Variants in SGPL1 observed in about 807,000 individuals in gnomAD.
SGPL1 encodes SP-lyase 1.
SGPL1 carries 37 observed loss-of-function variants against 68.9 expected under a neutral mutation model. The ratio of observed to expected loss-of-function variants is 0.54; its 90% CI spans 0.41 to 0.71. The LOEUF (loss-of-function observed/expected upper bound fraction) is 0.71, where lower values mean the gene tolerates loss of function less well. Ranked by LOEUF, SGPL1 falls within the 30% of genes least tolerant of loss-of-function variation. SGPL1 has a pLI of 0.00. For missense variants in SGPL1, 551 were observed against 704.6 expected (o/e 0.78, Z 2.47); for synonymous variants, 236 against 248.5 (o/e 0.95, Z 0.47).
chr10:70,857,767 G>A (rs1242030384), intron 6 of SGPL1, 77 bp downstream of exon 6: 28 of 928,100 alleles, frequency 3.0e-5, no homozygotes, highest in South Asian at 2.8e-4. Context: ...CCTTACTTTT[G>A]TAATTAGAAA....
intron 2 of SGPL1, among the ~76,000 whole-genome samples, chr10:70,820,965 C>T (rs576208696): frequency 1.6e-4 from 25 of 152,258 alleles, no homozygotes; most frequent in African/African-American, 5.3e-4. Flanking sequence ...CTTGTGTGGA[C>T]AGTATGCTGT....
At chr10:70,828,272 A>T (rs1290705829) in intron 2 of SGPL1, among the ~76,000 whole-genome samples, 2 of 152,226 alleles carry the variant, frequency 1.3e-5, no homozygotes, top group African/African-American at 4.8e-5. Context: ...CATGGAGAAG[A>T]GCACTGAGAA....
At chr10:70,855,522 A>G (rs1025962393) in intron 5 of SGPL1, among the ~76,000 whole-genome samples, 7 of 152,220 alleles carry the variant, frequency 4.6e-5, no homozygotes, top group Non-Finnish European at 7.3e-5. Context: ...GTATCTCTAC[A>G]ATGGGGATAG....
chr10:70,820,007 G>A lies in SGPL1; in HGVS notation c.27+3127G>A, dbSNP rs541811044. Among the ~76,000 whole-genome samples the A allele has an allele frequency of 4.6e-5, 7 of 152,178 alleles. No homozygotes were observed. In the East Asian group the frequency reaches 1.2e-3, roughly 25 times the overall value. ...CTGGTAAATGGATATCCAGTCTCCC[G>A]TCTTTTCTGCTAATGGAATAAGTGA... is the stretch of plus-strand genomic sequence containing the variant. On this transcript the variant is annotated intron_variant, in intron 2 of 14. Transcript: ENST00000373202.
At chr10:70,857,131 C>A (rs1398725762) in intron 5 of SGPL1, 1 of 168,058 alleles carries the variant, frequency 6.0e-6, no homozygotes, top group Non-Finnish European at 1.3e-5. Context: ...CTGGTTTCAT[C>A]TCTGATGATA....
chr10:70,862,670 C>T (rs142951103), intron 7 of SGPL1, among the ~76,000 whole-genome samples: 9 of 152,032 alleles, frequency 5.9e-5, no homozygotes, highest in Admixed American at 2.6e-4. Context: ...CCGGGAGGAA[C>T]GAACAACTCC....
chr10:70,830,329 C>G (rs1240850537), intron 2 of SGPL1, among the ~76,000 whole-genome samples: 1 of 152,188 alleles, frequency 6.6e-6, no homozygotes, highest in Non-Finnish European at 1.5e-5. Context: ...TTATTTCCTT[C>G]TCACCGGTCC....
Position 70,880,099 on chromosome 10 carries a change from C to T in SGPL1, c.*2764C>T, listed in dbSNP as rs936566376. The T allele has an allele frequency of 6.5e-6, 1 of 152,734 alleles. No homozygotes were observed. Among genetic ancestry groups the T allele is most frequent in the African/African-American group, 2.4e-5 (1 of 41,550 alleles). 9.5% of individuals were successfully genotyped at this position (152,734 alleles called of 1,614,324 possible). The stretch of plus-strand genomic sequence containing the variant: ...AAAAAGCAATTAAATAGTTAAATGA[C>T]CCTAATTGTAATTACTGTGGATGGT... On this transcript the variant is annotated 3_prime_UTR_variant, in exon 15 of 15. Coordinates refer to ENST00000373202, the MANE Select transcript of SGPL1 (RefSeq NM_003901.4).
At chr10:70,850,126 A>G (rs964758953) in intron 3 of SGPL1, among the ~76,000 whole-genome samples, 1 of 152,094 alleles carries the variant, frequency 6.6e-6, no homozygotes. Flanking sequence ...TGTATTCCCT[A>G]TTTGTTCTAT....
rs544326870 is a variant in SGPL1 at position 70,881,126 on chromosome 10, A to G, written c.*3791A>G. Reference sequence around the variant, plus strand: ...TTTTCTCTTCTTAATATCCTTCCCTATAATTTCAATTATTTGGATTAATTT... The same window carrying G: ...TTTTCTCTTCTTAATATCCTTCCCTGTAATTTCAATTATTTGGATTAATTT... On this transcript the variant is annotated 3_prime_UTR_variant, in exon 15 of 15. Transcript: ENST00000373202. 1.1e-4 allele frequency: 16 copies of G among 152,026 alleles called. No homozygotes were observed. Among genetic ancestry groups the G allele is most frequent in the South Asian group, 2.1e-4 (1 of 4,812 alleles). 9.4% of individuals were successfully genotyped at this position (152,026 alleles called of 1,614,324 possible). A position where few individuals can be genotyped will look rare whatever the true frequency, so the allele number is the denominator to read the frequency against.
In SGPL1 at chr10:70,868,540, G is replaced by T; in HGVS notation, c.704+107G>T. The stretch of plus-strand genomic sequence containing the variant: ...TTTTCCTGCTGCTTCTCTTCCTCTG[G>T]TAATTCTGGTCCCCTTTCCCCCTGT... On this transcript the variant is annotated intron_variant, in intron 8 of 14. Coordinates refer to ENST00000373202, the MANE Select transcript of SGPL1 (RefSeq NM_003901.4). The T allele has an allele frequency of 3.5e-6, 3 of 869,006 alleles. No homozygotes were observed. In the South Asian group the frequency reaches 4.2e-5, roughly 12 times the overall value. 53.8% of individuals were successfully genotyped at this position (869,006 alleles called of 1,614,324 possible). A position where few individuals can be genotyped will look rare whatever the true frequency, so the allele number is the denominator to read the frequency against.
intron 7 of SGPL1, among the ~76,000 whole-genome samples, chr10:70,863,183 C>T (rs747738118): frequency 2.2e-4 from 33 of 151,660 alleles, no homozygotes; most frequent in Admixed American, 7.9e-4. Flanking sequence ...GATGGGGTTT[C>T]ACCATGTTGC....
chr10:70,819,857 A>G (rs920591549), intron 2 of SGPL1, among the ~76,000 whole-genome samples: 5 of 151,914 alleles, frequency 3.3e-5, no homozygotes, highest in Non-Finnish European at 7.4e-5. Context: ...CTGGTATCTA[A>G]CTCCTGGGCT....
At chr10:70,876,782 A>G (rs1846397599) in intron 14 of SGPL1, 121 bp downstream of exon 14, 2 of 882,496 alleles carry the variant, frequency 2.3e-6, no homozygotes, top group Admixed American at 2.4e-5. Context: ...GACATCTTTT[A>G]TTTGTTGACT....
At chr10:70,865,752 C>G (rs1364251923) in intron 7 of SGPL1, among the ~76,000 whole-genome samples, 3 of 152,196 alleles carry the variant, frequency 2.0e-5, no homozygotes, top group Non-Finnish European at 4.4e-5. Context: ...CTTTATTTGT[C>G]TCAGTTACAA....
intron 2 of SGPL1, among the ~76,000 whole-genome samples, chr10:70,830,092 G>C (rs1005693496): frequency 1.5e-4 from 23 of 152,056 alleles, no homozygotes; most frequent in African/African-American, 3.6e-4. Context: ...TTTTCAGAAG[G>C]CCTTTTAAAT....
At chr10:70,823,648 ACT>A (rs1351803206) in intron 2 of SGPL1, among the ~76,000 whole-genome samples, 1 of 148,810 alleles carries the variant, frequency 6.7e-6, no homozygotes, top group Non-Finnish European at 1.5e-5. Context: ...AATAACCATA[ACT>A]CAAAATCTTC....
At chr10:70,864,098 T>C (rs1846134096) in intron 7 of SGPL1, among the ~76,000 whole-genome samples, 1 of 152,084 alleles carries the variant, frequency 6.6e-6, no homozygotes, top group Non-Finnish European at 1.5e-5. Context: ...TTTTATCAAG[T>C]TTTTTAGTTA....
chr10:70,824,588 G>A (rs1215476988), intron 2 of SGPL1, among the ~76,000 whole-genome samples: 4 of 151,680 alleles, frequency 2.6e-5, no homozygotes, highest in African/African-American at 4.8e-5. Context: ...TCCATAGTGC[G>A]ATGACAAAAA....
Sources: gnomAD v4.1 joint callset for allele counts (sites outside exome capture counted in the v4.1 genomes callset) on GRCh38, gnomAD v4.1.1 for gene constraint, MANE v1.5 for transcripts, NCBI Gene and HGNC (gene_info 2026-07-23, HGNC 2026-07-21) for gene names.